The following ETV7 variants were observed in gnomAD, a reference collection of about 807,000 sequenced individuals.
ETV7 encodes the protein transcription factor ETV7.
Under a neutral mutation model 39.1 loss-of-function variants are expected in ETV7, and 43 were observed. The ratio of observed to expected loss-of-function variants is 1.10; its 90% CI spans 0.86 to 1.42. ETV7 has a LOEUF of 1.42. Ranked by LOEUF, ETV7 falls within the 40% of genes most tolerant of loss-of-function variation. ETV7 has a pLI of 0.00. For synonymous variants in ETV7, 196 were observed against 176.6 expected (o/e 1.11, Z -0.87); for missense variants, 432 against 442.3 (o/e 0.98, Z 0.21).
chr6:36,376,623 A>G (rs981564033), intron 2 of ETV7, among the ~76,000 whole-genome samples: 3 of 152,066 alleles, frequency 2.0e-5, no homozygotes, highest in Non-Finnish European at 4.4e-5. Context: ...TAAAAATACA[A>G]AAATTAGCTG....
chr6:36,385,462 C>A (rs1299966914), intron 2 of ETV7, 72 bp downstream of exon 2: 14 of 1,592,076 alleles, frequency 8.8e-6, no homozygotes, highest in Non-Finnish European at 1.1e-5. Context: ...AGCAACAGAG[C>A]AAGACCCTGG....
chr6:36,381,611 G>T (rs1582220915), intron 2 of ETV7, among the ~76,000 whole-genome samples: 1 of 152,268 alleles, frequency 6.6e-6, no homozygotes, highest in Non-Finnish European at 1.5e-5. Flanking sequence ...TTTATTGTGT[G>T]TCATGGTGTC....
chr6:36,368,798 C>A, intron 6 of ETV7, 131 bp downstream of exon 6: 1 of 1,207,240 alleles, frequency 8.3e-7, no homozygotes, highest in Non-Finnish European at 1.2e-6. Context: ...TAAAATTATC[C>A]TGTCACTTTT....
intron 7 of ETV7, among the ~76,000 whole-genome samples, chr6:36,359,842 T>C (rs909280942): frequency 6.6e-6 from 1 of 152,140 alleles, no homozygotes; most frequent in Non-Finnish European, 1.5e-5. Flanking sequence ...AAGTAGAAAG[T>C]GAGTCCTAGA....
intron 4 of ETV7, 45 bp from the exon 5 acceptor site, chr6:36,371,605 G>C: frequency 6.7e-7 from 1 of 1,493,240 alleles, no homozygotes. Context: ...TGGGCCCCAA[G>C]CCTCCCCAAC....
downstream of ETV7, among the ~76,000 whole-genome samples, chr6:36,363,599 T>G (rs986957643): frequency 2.0e-5 from 3 of 152,200 alleles, no homozygotes; most frequent in African/African-American, 7.2e-5. Context: ...TCCCACGGTG[T>G]CAAAGGGGAC....
chr6:36,384,558 C>G (rs934766539), intron 2 of ETV7, among the ~76,000 whole-genome samples: 1 of 152,110 alleles, frequency 6.6e-6, no homozygotes, highest in South Asian at 2.1e-4. Context: ...GTGTTTGAAC[C>G]TCACTATTAG....
At chr6:36,373,601 G>GGCC in intron 3 of ETV7, 23 bp from the exon 4 acceptor site, 1 of 475,646 alleles carries the variant, frequency 2.1e-6, no homozygotes, top group African/African-American at 2.1e-5. Context: ...GGGAGGGAGG[G>GGCC]CAGGCTGCTG....
intron 7 of ETV7, among the ~76,000 whole-genome samples, chr6:36,355,475 C>T (rs578022758): frequency 5.9e-5 from 9 of 152,014 alleles, no homozygotes; most frequent in Non-Finnish European, 1.3e-4. Context: ...CAACCTCCAA[C>T]TCTCCGCCTC....
chr6:36,354,227 G>A (rs1471075622), exon 8 of ETV7: 1 of 146,062 alleles, frequency 6.8e-6, no homozygotes, highest in Non-Finnish European at 1.5e-5. Context: ...CTTTCTTGAT[G>A]GTGTCCTATG....
At chr6:36,362,328 T>C (rs572051013), downstream of ETV7, among the ~76,000 whole-genome samples, 5 of 150,352 alleles carry the variant, frequency 3.3e-5, no homozygotes, top group African/African-American at 1.2e-4. Flanking sequence ...GCTGGTGTGG[T>C]GGCGGGTGCC....
intron 1 of ETV7, among the ~76,000 whole-genome samples, chr6:36,386,661 G>A (rs951755945): frequency 6.6e-6 from 1 of 152,248 alleles, no homozygotes; most frequent in Non-Finnish European, 1.5e-5. Flanking sequence ...TCTGCCGAGA[G>A]AGAATTTGGA....
chr6:36,385,395 G>T, intron 2 of ETV7, 139 bp downstream of exon 2: 2 of 995,882 alleles, frequency 2.0e-6, no homozygotes, highest in Non-Finnish European at 3.0e-6. Flanking sequence ...GAACCCAGGA[G>T]CTGGAAGTTG....
intron 2 of ETV7, among the ~76,000 whole-genome samples, chr6:36,384,657 A>G (rs1773807758): frequency 6.6e-6 from 1 of 152,136 alleles, no homozygotes; most frequent in Non-Finnish European, 1.5e-5. Flanking sequence ...TGGGAGGCCG[A>G]GGCGGGTGGA....
In ETV7 at chr6:36,366,558, G is replaced by A; in HGVS notation, c.*87C>T. ...GGTACAGAGTCTGGCTGGGGATCCT[G>A]CTGCTCTGCTGGGAGGAGGAGTCTG... On this transcript the variant is annotated 3_prime_UTR_variant, in exon 8 of 8. Coordinates refer to ENST00000340181, the MANE Select transcript of ETV7 (RefSeq NM_016135.4). 1 of 1,596,538 alleles carries A rather than the reference G, an allele frequency of 6.3e-7. No individual in the cohort carries two copies. Among genetic ancestry groups the A allele is most frequent in the Non-Finnish European group, 8.5e-7 (1 of 1,170,656 alleles).
At chr6:36,368,532 C>T (rs1054773431) in intron 6 of ETV7, among the ~76,000 whole-genome samples, 8 of 152,094 alleles carry the variant, frequency 5.3e-5, no homozygotes, top group Non-Finnish European at 1.0e-4. Flanking sequence ...GGAATGCTGG[C>T]CTCAGTCATC....
At chr6:36,376,562 A>G (rs190059104) in intron 2 of ETV7, among the ~76,000 whole-genome samples, 9 of 152,210 alleles carry the variant, frequency 5.9e-5, no homozygotes, top group South Asian at 2.1e-4. Context: ...TGGATCACAA[A>G]GTCAGGAGAT....
Position 36,385,068 on chromosome 6 carries a change from C to T in ETV7, c.142+466G>A, listed in dbSNP as rs144088676. ...AAAATTTTGGCCAGACACAGTGGCT[C>T]ATGCCTGTGATCCCAGCACTTTGGG... On this transcript the variant is annotated intron_variant, in intron 2 of 7. Transcript: ENST00000340181. Among the ~76,000 whole-genome samples, 465 of 152,214 alleles carry T rather than the reference C, an allele frequency of 3.1e-3. 2 individuals carry two copies. Among genetic ancestry groups the T allele is most frequent in the African/African-American group, 0.011 (443 of 41,532 alleles).
At chr6:36,365,530 G>A (rs957421175), downstream of ETV7, among the ~76,000 whole-genome samples, 3 of 152,338 alleles carry the variant, frequency 2.0e-5, no homozygotes, top group Non-Finnish European at 4.4e-5. Context: ...TCCCACAGCA[G>A]ATACAGGGAC....
Sources: allele counts gnomAD v4.1 joint callset (sites outside exome capture counted in the v4.1 genomes callset), GRCh38; gene constraint gnomAD v4.1.1; transcripts MANE v1.5; gene names NCBI Gene and HGNC (gene_info 2026-07-23, HGNC 2026-07-21).